Variants in CACNA1D observed in about 807,000 individuals in gnomAD.
The protein encoded by CACNA1D is voltage-dependent L-type calcium channel subunit alpha-1D.
A neutral mutation model predicts 257.1 loss-of-function variants in CACNA1D; 55 were observed. The observed-to-expected ratio is 0.21, with a 90% confidence interval of 0.17 to 0.27. The LOEUF is 0.27. Ranked by LOEUF, CACNA1D falls within the 10% of genes least tolerant of loss-of-function variation. CACNA1D has a pLI of 1.00. For synonymous variants in CACNA1D, 980 were observed against 1,014.9 expected (o/e 0.97, Z 0.65); for missense variants, 1,876 against 2,784.0 (o/e 0.67, Z 7.34).
intron 45 of CACNA1D, chr3:53,808,275 G>A (rs1437465022): frequency 1.1e-5 from 3 of 266,822 alleles, no homozygotes; most frequent in Non-Finnish European, 2.2e-5. Flanking sequence ...GTAGCCGGGC[G>A]TGGTGGCGGG....
In CACNA1D at chr3:53,672,736, C is replaced by T. The variant is rs35052253; in HGVS notation, c.1117-287C>T. On this transcript the variant is annotated intron_variant, in intron 7 of 47. Transcript: ENST00000350061. ...CCTGGGGCCAAAATCTGCTATTATT[C>T]GGCCTGAAAGCCTTGATGACTCTGT... Among the ~76,000 whole-genome samples the T allele has an allele frequency of 0.047, 6,863 of 144,926 alleles. 232 individuals carry two copies. The highest frequency in any genetic ancestry group is 0.069 in the Non-Finnish European group (4,658 of 67,040).
intron 39 of CACNA1D, among the ~76,000 whole-genome samples, chr3:53,784,751 A>G (rs2095443760): frequency 6.6e-6 from 1 of 152,146 alleles, no homozygotes; most frequent in Non-Finnish European, 1.5e-5. Flanking sequence ...CCCTGGAGTC[A>G]TTAGCCAGAC....
At chr3:53,505,025 G>A (rs905109395) in intron 3 of CACNA1D, among the ~76,000 whole-genome samples, 5 of 151,446 alleles carry the variant, frequency 3.3e-5, no homozygotes, top group African/African-American at 7.3e-5. Context: ...AGCACTAAGC[G>A]CCCGGAGGCA....
chr3:53,508,275 G>A (rs762892036), intron 3 of CACNA1D, among the ~76,000 whole-genome samples: 9 of 152,210 alleles, frequency 5.9e-5, no homozygotes, highest in South Asian at 4.2e-4. Context: ...AGCCCTGCAT[G>A]CATTAGCTAT....
At chr3:53,515,696 C>T (rs916729292) in intron 3 of CACNA1D, among the ~76,000 whole-genome samples, 4 of 152,216 alleles carry the variant, frequency 2.6e-5, no homozygotes, top group African/African-American at 7.2e-5. Context: ...AGAGCTAGGG[C>T]TCCTCAGGAC....
rs374959393 is a variant in CACNA1D, at chr3:53,664,112, G to T, written c.767-1548G>T. Among the ~76,000 whole-genome samples the T allele has an allele frequency of 5.8e-4, 89 of 152,254 alleles. 3 individuals are homozygous for T. In the East Asian group the frequency reaches 0.011, roughly 19 times the overall value. On this transcript the variant is annotated intron_variant, in intron 5 of 47. Coordinates refer to ENST00000350061, the MANE Select transcript of CACNA1D (RefSeq NM_001128840.3). The stretch of plus-strand genomic sequence containing the variant: ...GCCTGTCTCTCAAGACCACATTTCA[G>T]CTTCAGGACACGTCTACCTTAATGT...
chr3:53,702,832 C>T (rs369636217), intron 9 of CACNA1D, 22 bp downstream of exon 9: 12 of 1,613,492 alleles, frequency 7.4e-6, no homozygotes, highest in Non-Finnish European at 1.0e-5. Flanking sequence ...CTTTCCTGCC[C>T]CTGGCTAGAC....
intron 3 of CACNA1D, among the ~76,000 whole-genome samples, chr3:53,589,982 C>T (rs981744523): frequency 5.3e-5 from 8 of 152,232 alleles, no homozygotes; most frequent in Non-Finnish European, 1.2e-4. Flanking sequence ...TCACCCAGGG[C>T]CTGTTTTCCC....
chr3:53,806,022 G>C (rs368806323), intron 45 of CACNA1D, among the ~76,000 whole-genome samples: 4,029 of 26,788 alleles, frequency 0.15, 108 homozygotes, highest in Non-Finnish European at 0.19. Flanking sequence ...CCTCCCTCAT[G>C]TTCCCTCCTC....
chr3:53,712,122 A>G (rs935588626), intron 9 of CACNA1D, among the ~76,000 whole-genome samples: 1 of 152,240 alleles, frequency 6.6e-6, no homozygotes, highest in Admixed American at 6.5e-5. Flanking sequence ...AGAAAAGAAA[A>G]CACCCCTCCT....
intron 3 of CACNA1D, among the ~76,000 whole-genome samples, chr3:53,546,569 A>G (rs2092418209): frequency 6.6e-6 from 1 of 152,170 alleles, no homozygotes; most frequent in African/African-American, 2.4e-5. Context: ...GTCTAACAGG[A>G]ATCTCCACAG....
At chr3:53,609,228 G>C (rs1397379818) in intron 3 of CACNA1D, among the ~76,000 whole-genome samples, 2 of 152,010 alleles carry the variant, frequency 1.3e-5, no homozygotes, top group Non-Finnish European at 2.9e-5. Context: ...GGCTAACATG[G>C]TGAAACCCCA....
chr3:53,742,402 A>G (rs980773620), intron 21 of CACNA1D, among the ~76,000 whole-genome samples: 15 of 152,266 alleles, frequency 9.9e-5, no homozygotes, highest in African/African-American at 3.6e-4. Flanking sequence ...AGGTGAGCAC[A>G]GAGCCGTTGA....
At chr3:53,530,576 C>T (rs1449026966) in intron 3 of CACNA1D, among the ~76,000 whole-genome samples, 2 of 152,210 alleles carry the variant, frequency 1.3e-5, no homozygotes, top group African/African-American at 4.8e-5. Flanking sequence ...ACCTACAACA[C>T]TGCTTGAAGC....
chr3:53,729,513 T>C (rs1403642041), intron 15 of CACNA1D, among the ~76,000 whole-genome samples: 1 of 152,218 alleles, frequency 6.6e-6, no homozygotes, highest in Non-Finnish European at 1.5e-5. Flanking sequence ...TTCTCACTTA[T>C]TGCCCTCTCA....
rs146376157 is a variant in CACNA1D, at chr3:53,679,624, T to A, written c.1220+6498T>A. The A allele has an allele frequency of 1.6e-4, 25 of 152,360 alleles. 3 individuals are homozygous for A. Among genetic ancestry groups the A allele is most frequent in the African/African-American group, 6.0e-4 (25 of 41,598 alleles). 9.4% of individuals were successfully genotyped at this position (152,360 alleles called of 1,614,324 possible). A position where few individuals can be genotyped will look rare whatever the true frequency, so the allele number is the denominator to read the frequency against. On this transcript the variant is annotated intron_variant, in intron 8 of 47. Transcript: ENST00000350061. ...ACAGGGGAGGACTCTTTGTAGATAG[T>A]TCTTATGATTAAAAAATAACTTCCT...
chr3:53,753,779 T>C lies in CACNA1D; in HGVS notation c.3786+97T>C. On this transcript the variant is annotated intron_variant, in intron 29 of 47. Transcript: ENST00000350061. Reference sequence around the variant, plus strand: ...CTTGTGTTACTGAATTATGCTAAAGTGTTCTGGCCGCTAACTGGGTTACCA... The same window carrying C: ...CTTGTGTTACTGAATTATGCTAAAGCGTTCTGGCCGCTAACTGGGTTACCA... The C allele has an allele frequency of 1.4e-5, 11 of 780,378 alleles. No homozygotes were observed. The South Asian group carries it at 1.5e-4, about 11-fold the overall frequency. The allele number at this position is 780,378 out of a possible 1,614,324, so 48.3% of individuals were successfully genotyped here. A position where few individuals can be genotyped will look rare whatever the true frequency, so the allele number is the denominator to read the frequency against.
intron 3 of CACNA1D, among the ~76,000 whole-genome samples, chr3:53,622,867 A>T (rs909611843): frequency 2.0e-5 from 3 of 152,042 alleles, no homozygotes; most frequent in African/African-American, 7.3e-5. Context: ...AGAGGGAGGT[A>T]ACATAATTAT....
chr3:53,626,777 G>T (rs1190014005), intron 3 of CACNA1D, among the ~76,000 whole-genome samples: 1 of 152,184 alleles, frequency 6.6e-6, no homozygotes, highest in Admixed American at 6.5e-5. Context: ...TGAAATGGTT[G>T]TATGTTTCCA....
Sources: gnomAD v4.1 joint callset for allele counts (sites outside exome capture counted in the v4.1 genomes callset) on GRCh38, gnomAD v4.1.1 for gene constraint, MANE v1.5 for transcripts, NCBI Gene and HGNC (gene_info 2026-07-23, HGNC 2026-07-21) for gene names.